The following IDNK variants were observed in gnomAD, a reference collection of about 807,000 sequenced individuals.
IDNK encodes the protein gluconokinase.
In IDNK, 9 loss-of-function variants were observed where a neutral mutation model predicts 13.0. The observed-to-expected ratio is 0.69, with a 90% CI of 0.42 to 1.21. The LOEUF is 1.21. Ranked by LOEUF, IDNK falls within the 50% of genes most tolerant of loss-of-function variation. The probability of loss-of-function intolerance (pLI) is 0.00; values close to 1 mark genes in which losing one functional copy is unlikely to be tolerated. For synonymous variants in IDNK, 92 were observed against 94.9 expected (o/e 0.97, Z 0.18); for missense variants, 210 against 237.8 (o/e 0.88, Z 0.77).
At chr9:83,636,904 A>G (rs1230164099) in intron 3 of IDNK, among the ~76,000 whole-genome samples, 1 of 152,226 alleles carries the variant, frequency 6.6e-6, no homozygotes, top group Admixed American at 6.5e-5. Flanking sequence ...AAAATTGACC[A>G]TGTGGTCTGC....
chr9:83,624,135 A>T lies in IDNK; in HGVS notation c.50+914A>T, dbSNP rs373938341. On this transcript the variant is annotated intron_variant, in intron 1 of 4. Coordinates refer to ENST00000376419, the MANE Select transcript of IDNK (RefSeq NM_001001551.4). ...GTTCTCAGCCACAAAGATAAAAAGAAATCTTGAACTGCAATTGAAATAAAA... is the reference window on the plus strand; with the variant it reads ...GTTCTCAGCCACAAAGATAAAAAGATATCTTGAACTGCAATTGAAATAAAA... Among the ~76,000 whole-genome samples, 4 of 152,332 alleles carry T rather than the reference A, an allele frequency of 2.6e-5. No individual in the cohort carries two copies. In the South Asian group the frequency reaches 8.3e-4, roughly 32 times the overall value.
In IDNK at chr9:83,641,593, T is replaced by TA; in HGVS notation, c.212+4dup. Reference sequence around the variant, plus strand: ...TAACTTGCATGACATTTTACTAAGGTAAGAGACCACCAGGCCTTGGCATAA... The same window carrying TA: ...TAACTTGCATGACATTTTACTAAGGTAAAGAGACCACCAGGCCTTGGCATAA... On this transcript the variant is annotated splice_region_variant and intron_variant, in intron 4 of 4. Transcript: ENST00000376419. 2 of 1,613,920 alleles carry TA rather than the reference T, an allele frequency of 1.2e-6. No individual in the cohort carries two copies. The highest frequency in any genetic ancestry group is 1.7e-6 in the Non-Finnish European group (2 of 1,179,974).
At chr9:83,627,846 CCCA>C (rs1830897922) in intron 1 of IDNK, among the ~76,000 whole-genome samples, 1 of 109,248 alleles carries the variant, frequency 9.2e-6, no homozygotes, top group African/African-American at 3.8e-5. Flanking sequence ...ATTCAACATC[CCCA>C]CCACAAAAAA....
intron 3 of IDNK, among the ~76,000 whole-genome samples, chr9:83,639,432 T>C (rs1831243935): frequency 6.6e-6 from 1 of 152,166 alleles, no homozygotes; most frequent in Non-Finnish European, 1.5e-5. Context: ...TGAATGCTAG[T>C]GAAAACAAAC....
chr9:83,642,536 TATTTGCTA>T (rs1831339658), intron 4 of IDNK, among the ~76,000 whole-genome samples: 1 of 149,110 alleles, frequency 6.7e-6, no homozygotes, highest in Non-Finnish European at 1.5e-5. Flanking sequence ...TTCATTTTTA[TATTTGCTA>T]GCCATGTATT....
intron 1 of IDNK, 37 bp from the exon 2 acceptor site, chr9:83,628,144 C>T (rs767406095): frequency 6.5e-7 from 1 of 1,550,344 alleles, no homozygotes. Context: ...ACACATTGGG[C>T]AGGGCAGTAA....
intron 4 of IDNK, among the ~76,000 whole-genome samples, chr9:83,642,241 G>A (rs921164476): frequency 5.3e-5 from 8 of 152,128 alleles, no homozygotes; most frequent in African/African-American, 1.7e-4. Flanking sequence ...AGTGGGTTAC[G>A]GATCTTGCTT....
intron 3 of IDNK, among the ~76,000 whole-genome samples, chr9:83,633,697 G>A (rs562689063): frequency 2.1e-4 from 32 of 152,314 alleles, no homozygotes; most frequent in African/African-American, 7.5e-4. Flanking sequence ...GCAGCTCAAT[G>A]AATTATATAC....
At chr9:83,641,511 C>A (rs752025724) in intron 3 of IDNK, 37 bp from the exon 4 acceptor site, 1 of 1,609,514 alleles carries the variant, frequency 6.2e-7, no homozygotes, top group Admixed American at 1.7e-5. Context: ...CTGGAGAAGT[C>A]ACGTTGTGTC....
chr9:83,630,424 G>A (rs905376064), intron 3 of IDNK, among the ~76,000 whole-genome samples: 9 of 152,166 alleles, frequency 5.9e-5, no homozygotes, highest in African/African-American at 2.2e-4. Flanking sequence ...CCACCACCAG[G>A]CTTGTATGAG....
At chr9:83,634,029 A>G (rs1831098095) in intron 3 of IDNK, among the ~76,000 whole-genome samples, 1 of 152,256 alleles carries the variant, frequency 6.6e-6, no homozygotes, top group African/African-American at 2.4e-5. Flanking sequence ...CGGCACTGAC[A>G]TGGTAGCCTG....
chr9:83,629,106 A>G, intron 3 of IDNK, 147 bp downstream of exon 3: 1 of 685,714 alleles, frequency 1.5e-6, no homozygotes, highest in South Asian at 1.6e-5. Context: ...GATCCTCTAC[A>G]TATGTTAGCT....
rs1274732106 is a variant in IDNK, at chr9:83,623,180, G to A, written c.9G>A (p.Ala3=). ...GGAGCCGAGCTTGGGTTATGGCGGC[G>A]CCGGGCGCGCTGCTGGTGATGGGCG... MA[A]PGALLVMGVS... The change falls in exon 1 of 5, where the codon GCG becomes GCA. Residue 3 remains alanine, a synonymous_variant. Coordinates refer to ENST00000376419, the MANE Select transcript of IDNK (RefSeq NM_001001551.4). The A allele has an allele frequency of 2.1e-6, 3 of 1,414,050 alleles. No homozygotes were observed. Among genetic ancestry groups the A allele is most frequent in the Non-Finnish European group, 2.8e-6 (3 of 1,089,758 alleles). 87.6% of individuals were successfully genotyped at this position (1,414,050 alleles called of 1,614,324 possible). A position where few individuals can be genotyped will look rare whatever the true frequency, so the allele number is the denominator to read the frequency against.
intron 3 of IDNK, among the ~76,000 whole-genome samples, chr9:83,629,710 GC>G (rs943923221): frequency 1.3e-5 from 2 of 152,170 alleles, no homozygotes; most frequent in African/African-American, 4.8e-5. Context: ...TGTCCCTGTG[GC>G]AGCTCAACAA....
chr9:83,624,741 T>C (rs117148840), intron 1 of IDNK, among the ~76,000 whole-genome samples: 2,073 of 151,858 alleles, frequency 0.014, 26 homozygotes, highest in South Asian at 0.033. Context: ...GAGGCGGAGC[T>C]TCACTCCTGT....
intron 3 of IDNK, among the ~76,000 whole-genome samples, chr9:83,636,271 G>T (rs1009808242): frequency 6.6e-6 from 1 of 152,134 alleles, no homozygotes; most frequent in Non-Finnish European, 1.5e-5. Flanking sequence ...CACACAATCA[G>T]CACTTATAAA....
chr9:83,637,699 G>A (rs911010135), intron 3 of IDNK, among the ~76,000 whole-genome samples: 1 of 152,198 alleles, frequency 6.6e-6, no homozygotes, highest in Non-Finnish European at 1.5e-5. Context: ...TAAAAGCCAG[G>A]AGAGCAGGAG....
intron 3 of IDNK, among the ~76,000 whole-genome samples, chr9:83,638,562 G>T (rs1831221876): frequency 6.6e-6 from 1 of 152,164 alleles, no homozygotes. Context: ...TACTCACACT[G>T]AATATGCAAA....
intron 3 of IDNK, among the ~76,000 whole-genome samples, chr9:83,639,307 T>C (rs74568204): frequency 0.02 from 3,033 of 152,312 alleles, 62 homozygotes; most frequent in Admixed American, 0.035. Context: ...AGTTACAACA[T>C]TACTTAGAGG....
Sources: gnomAD v4.1 joint callset for allele counts (sites outside exome capture counted in the v4.1 genomes callset) on GRCh38, gnomAD v4.1.1 for gene constraint, MANE v1.5 for transcripts, NCBI Gene and HGNC (gene_info 2026-07-23, HGNC 2026-07-21) for gene names.